Variants in ROBO1 observed in about 807,000 individuals in gnomAD.
The protein encoded by ROBO1 is roundabout guidance receptor 1, also known as roundabout homolog 1.
ROBO1 carries 149 observed loss-of-function variants against 195.9 expected under a neutral mutation model. The observed-to-expected ratio is 0.76, with a 90% confidence interval of 0.67 to 0.87. The LOEUF is 0.87. Ranked by LOEUF, ROBO1 falls within the 40% of genes least tolerant of loss-of-function variation. The probability of loss-of-function intolerance (pLI) is 0.00; values close to 1 mark genes in which losing one functional copy is unlikely to be tolerated. For missense variants in ROBO1, 1,933 were observed against 2,068.3 expected (o/e 0.93, Z 1.27); for synonymous variants, 816 against 733.2 (o/e 1.11, Z -1.82).
At chr3:79,661,229 C>T (rs1213449705) in intron 1 of ROBO1, among the ~76,000 whole-genome samples, 1 of 152,058 alleles carries the variant, frequency 6.6e-6, no homozygotes, top group Non-Finnish European at 1.5e-5. Flanking sequence ...AGATCATGCA[C>T]ATTCTTGGAG....
At position 79,332,308 on chromosome 3, in the gene ROBO1, G is replaced by A. The variant is rs552254606; in HGVS notation, c.89-206769C>T. Among the ~76,000 whole-genome samples, 9 of 152,076 alleles carry A rather than the reference G, an allele frequency of 5.9e-5. No homozygotes were observed. In the East Asian group the frequency reaches 1.5e-3, roughly 26 times the overall value. Reference sequence around the variant, plus strand: ...CTTGTCCCAGAAAAGTCTAAGATGTGCATTTATAACATTTGTGTAAAATTT... The same window carrying A: ...CTTGTCCCAGAAAAGTCTAAGATGTACATTTATAACATTTGTGTAAAATTT... On this transcript the variant is annotated intron_variant, in intron 2 of 30. Coordinates refer to ENST00000464233, the MANE Select transcript of ROBO1 (RefSeq NM_002941.4).
chr3:79,630,891 C>CA (rs71631667), intron 1 of ROBO1, among the ~76,000 whole-genome samples: 45,150 of 151,436 alleles, frequency 0.3, 8,402 homozygotes, highest in African/African-American at 0.53. Flanking sequence ...CACGCACATA[C>CA]AAAAAACCTA....
At chr3:79,168,785 G>A (rs965723214) in intron 2 of ROBO1, among the ~76,000 whole-genome samples, 20 of 152,128 alleles carry the variant, frequency 1.3e-4, no homozygotes, top group Middle Eastern at 3.4e-3. Flanking sequence ...CAAGGGTTCC[G>A]GTCCTCAGAG....
rs2081552220 is a variant in ROBO1, at chr3:79,192,158, C to T, written c.89-66619G>A. 2.0e-5 allele frequency among the ~76,000 whole-genome samples: 3 copies of T among 151,674 alleles called. No individual in the cohort carries two copies. In the South Asian group the frequency reaches 6.2e-4, roughly 31 times the overall value. ...TCCCCACATTTGAACAAAATTCATTCTCAATTCTATTAGTAGTAATCTTTA... is the reference window on the plus strand; with the variant it reads ...TCCCCACATTTGAACAAAATTCATTTTCAATTCTATTAGTAGTAATCTTTA... On this transcript the variant is annotated intron_variant, in intron 2 of 30. Coordinates refer to ENST00000464233, the MANE Select transcript of ROBO1 (RefSeq NM_002941.4).
At chr3:78,960,299 G>T (rs1216848571) in intron 3 of ROBO1, among the ~76,000 whole-genome samples, 1 of 150,694 alleles carries the variant, frequency 6.6e-6, no homozygotes, top group Non-Finnish European at 1.5e-5. Context: ...ATATTAATAT[G>T]TAATATAGCA....
chr3:78,692,634 G>A (rs2081200755), intron 8 of ROBO1, among the ~76,000 whole-genome samples: 1 of 152,090 alleles, frequency 6.6e-6, no homozygotes, highest in South Asian at 2.1e-4. Context: ...TTATTCTCTG[G>A]CATGCCCGTT....
At chr3:78,959,360 A>C (rs2041221744) in intron 3 of ROBO1, among the ~76,000 whole-genome samples, 1 of 152,228 alleles carries the variant, frequency 6.6e-6, no homozygotes, top group Non-Finnish European at 1.5e-5. Flanking sequence ...TAGTCTACCT[A>C]CTGTGAAAAT....
intron 2 of ROBO1, among the ~76,000 whole-genome samples, chr3:79,423,280 C>A (rs1380263479): frequency 2.0e-5 from 3 of 152,100 alleles, no homozygotes; most frequent in Non-Finnish European, 4.4e-5. Flanking sequence ...AGAAAGCCAA[C>A]CCTCCTCAGA....
In ROBO1 at chr3:78,842,222, CATATATATATTTATATATATGAGCCAT is replaced by C. The variant is rs200748726; in HGVS notation, c.500-95349_500-95323del. On this transcript the variant is annotated intron_variant, in intron 4 of 30. Transcript: ENST00000464233. ...CATATATATATTTATATATATGAGCCATATATATATTTATATATATGAGCCATATATATATTTATATATATGAGCCAT... is the reference window on the plus strand; with the variant it reads ...CATATATATATTTATATATATGAGCCATATATATTTATATATATGAGCCAT... Among the ~76,000 whole-genome samples, 4 of 55,630 alleles carry C rather than the reference CATATATATATTTATATATATGAGCCAT, an allele frequency of 7.2e-5. 1 individual carries two copies. Among genetic ancestry groups the C allele is most frequent in the Non-Finnish European group, 1.4e-4 (4 of 29,048 alleles). The allele number at this position is 55,630 out of a possible 152,430, so 36.5% of individuals were successfully genotyped here.
intron 3 of ROBO1, among the ~76,000 whole-genome samples, chr3:78,986,196 A>T (rs1323987674): frequency 1.3e-5 from 2 of 152,180 alleles, no homozygotes; most frequent in Non-Finnish European, 2.9e-5. Context: ...GGCTATCTTA[A>T]AACGAAAGGG....
At chr3:79,199,909 A>T in intron 2 of ROBO1, among the ~76,000 whole-genome samples, 1 of 151,822 alleles carries the variant, frequency 6.6e-6, no homozygotes, top group East Asian at 1.9e-4. Flanking sequence ...AATATTTTCT[A>T]CATTTCTTTA....
intron 4 of ROBO1, among the ~76,000 whole-genome samples, chr3:78,774,720 C>T (rs2083463332): frequency 6.6e-6 from 1 of 152,076 alleles, no homozygotes; most frequent in South Asian, 2.1e-4. Context: ...ATAAGCTGTT[C>T]AAATTGTGTC....
chr3:78,651,994 G>C, intron 18 of ROBO1, 65 bp from the exon 19 acceptor site: 1 of 1,220,634 alleles, frequency 8.2e-7, no homozygotes, highest in Non-Finnish European at 1.2e-6. Context: ...GCACTCATTT[G>C]TGGCTGCCAT....
At chr3:79,747,381 C>G (rs898232967) in intron 1 of ROBO1, among the ~76,000 whole-genome samples, 3 of 151,854 alleles carry the variant, frequency 2.0e-5, no homozygotes, top group African/African-American at 7.3e-5. Context: ...TAAAAGCACT[C>G]TATGTTAATG....
At chr3:79,227,060 A>C (rs1000731231) in intron 2 of ROBO1, among the ~76,000 whole-genome samples, 1 of 152,204 alleles carries the variant, frequency 6.6e-6, no homozygotes, top group Non-Finnish European at 1.5e-5. Context: ...CTTCTGATCC[A>C]TACTCTAAAG....
chr3:78,677,347 C>A (rs890673717), intron 10 of ROBO1, among the ~76,000 whole-genome samples: 2 of 152,092 alleles, frequency 1.3e-5, no homozygotes, highest in African/African-American at 4.8e-5. Flanking sequence ...TGTAAATGGA[C>A]TAAATGCTCC....
intron 2 of ROBO1, among the ~76,000 whole-genome samples, chr3:79,504,549 A>G (rs1399303697): frequency 6.6e-6 from 1 of 152,172 alleles, no homozygotes; most frequent in Non-Finnish European, 1.5e-5. Context: ...TGATGTCCGC[A>G]TTTTCCAATG....
At chr3:79,467,498 G>C (rs1284311567) in intron 2 of ROBO1, among the ~76,000 whole-genome samples, 5 of 151,546 alleles carry the variant, frequency 3.3e-5, no homozygotes, top group Admixed American at 3.3e-4. Context: ...CAGAAGGGAG[G>C]CATGATAGAG....
chr3:79,123,919 A>G lies in ROBO1; in HGVS notation c.172+1537T>C, dbSNP rs145120613. Among the ~76,000 whole-genome samples the G allele has an allele frequency of 3.7e-4, 56 of 152,198 alleles. 1 individual carries two copies. Among genetic ancestry groups the G allele is most frequent in the African/African-American group, 1.3e-3 (54 of 41,580 alleles). On this transcript the variant is annotated intron_variant, in intron 3 of 30. Transcript: ENST00000464233. ...TAAATTCTCTTAATTCAAGACTCCAACATGATTTATTCATTACTTATACAT... is the reference window on the plus strand; with the variant it reads ...TAAATTCTCTTAATTCAAGACTCCAGCATGATTTATTCATTACTTATACAT...
Sources: gnomAD v4.1 joint callset for allele counts (sites outside exome capture counted in the v4.1 genomes callset) on GRCh38, gnomAD v4.1.1 for gene constraint, MANE v1.5 for transcripts, NCBI Gene and HGNC (gene_info 2026-07-23, HGNC 2026-07-21) for gene names.